ANXA6: variants seen among roughly 807,000 people sequenced by gnomAD.
The protein encoded by ANXA6 is annexin A6.
In ANXA6, 71 loss-of-function variants were observed where a neutral mutation model predicts 95.4. That is an observed-to-expected ratio of 0.74 (90% CI 0.61 to 0.91). ANXA6 has a LOEUF of 0.91. ANXA6 is among the 40% of genes least tolerant of loss of function. The pLI is 0.00. For missense variants in ANXA6, 830 were observed against 876.4 expected (o/e 0.95, Z 0.67); for synonymous variants, 289 against 315.9 (o/e 0.91, Z 0.90).
At chr5:151,131,350 C>T in intron 10 of ANXA6, 61 bp from the exon 11 acceptor site, 2 of 1,536,502 alleles carry the variant, frequency 1.3e-6, no homozygotes, top group Non-Finnish European at 1.8e-6. Context: ...GATGGGATGG[C>T]CTGACTCCCT....
At position 151,117,212 on chromosome 5, in the gene ANXA6, C is replaced by T. The variant is rs746814481; in HGVS notation, c.1519-32G>A. On this transcript the variant is annotated intron_variant, in intron 19 of 25. Coordinates refer to ENST00000354546, the MANE Select transcript of ANXA6 (RefSeq NM_001155.5). ...CAGGAGCAGCAAGAAAGTTCAGTCCCCAAACATCGACCCATCTCCATCTCT... is the reference window on the plus strand; with the variant it reads ...CAGGAGCAGCAAGAAAGTTCAGTCCTCAAACATCGACCCATCTCCATCTCT... 5 of 1,566,060 alleles carry T rather than the reference C, an allele frequency of 3.2e-6. No homozygotes were observed. In the African/African-American group the frequency reaches 6.8e-5, roughly 21 times the overall value.
chr5:151,120,103 C>A (rs912214098), intron 17 of ANXA6, among the ~76,000 whole-genome samples: 5 of 152,144 alleles, frequency 3.3e-5, no homozygotes, highest in African/African-American at 1.2e-4. Context: ...TGGTCTGGAA[C>A]TCCTGGACTC....
At chr5:151,110,899 T>G (rs377446439) in intron 20 of ANXA6, among the ~76,000 whole-genome samples, 1 of 152,270 alleles carries the variant, frequency 6.6e-6, no homozygotes, top group South Asian at 2.1e-4. Context: ...CGTGTTCACT[T>G]GAAGGGTAAG....
Position 151,110,671 on chromosome 5 carries a change from G to A in ANXA6, c.1573-27C>T, listed in dbSNP as rs201559106. On this transcript the variant is annotated intron_variant, in intron 20 of 25. Coordinates refer to ENST00000354546, the MANE Select transcript of ANXA6 (RefSeq NM_001155.5). ...TGAGAGCAGGGAGGGGAGAGAGGAG[G>A]GAGAGAAGGGAGGCAAGAGTCAGAG... 2.8e-5 allele frequency: 45 copies of A among 1,613,078 alleles called. 1 individual carries two copies. Among genetic ancestry groups the A allele is most frequent in the South Asian group, 4.4e-5 (4 of 91,052 alleles).
chr5:151,117,503 TCCTG>T (rs922976966), intron 19 of ANXA6, among the ~76,000 whole-genome samples: 14 of 152,174 alleles, frequency 9.2e-5, no homozygotes, highest in Non-Finnish European at 1.9e-4. Context: ...TATGGCTTTG[TCCTG>T]TGAGCTGGGG....
chr5:151,136,663 T>C (rs1277682438), intron 6 of ANXA6, among the ~76,000 whole-genome samples: 2 of 152,170 alleles, frequency 1.3e-5, no homozygotes, highest in Non-Finnish European at 2.9e-5. Flanking sequence ...TTAAAACCCA[T>C]ATCTGATCAT....
rs568844784 is a variant in ANXA6 at position 151,141,318 on chromosome 5, G to T, written c.19-1075C>A. Among the ~76,000 whole-genome samples the T allele has an allele frequency of 2.0e-4, 30 of 152,336 alleles. No individual in the cohort carries two copies. The South Asian group carries it at 6.0e-3, about 31-fold the overall frequency. ...GCTAGGCCCTACACTAATGGCTGAG[G>T]AATTGGGGAGAAAGGGGACCCAATT... On this transcript the variant is annotated intron_variant, in intron 2 of 25. Coordinates refer to ENST00000354546, the MANE Select transcript of ANXA6 (RefSeq NM_001155.5).
chr5:151,123,457 G>A (rs757539909), intron 15 of ANXA6, among the ~76,000 whole-genome samples: 19 of 152,188 alleles, frequency 1.2e-4, no homozygotes, highest in Non-Finnish European at 2.2e-4. Context: ...CTCTCTGGAA[G>A]CTGGACCCTG....
intron 20 of ANXA6, among the ~76,000 whole-genome samples, chr5:151,112,315 ACACT>A: frequency 6.6e-6 from 1 of 152,332 alleles, no homozygotes; most frequent in South Asian, 2.1e-4. Context: ...AAAAAAATAG[ACACT>A]CACTTTCTCA....
chr5:151,133,991 A>G (rs1295920852), intron 8 of ANXA6, among the ~76,000 whole-genome samples: 1 of 152,206 alleles, frequency 6.6e-6, no homozygotes, highest in Non-Finnish European at 1.5e-5. Context: ...CAGCCCCTGT[A>G]GTGCTGCTGG....
chr5:151,104,174 GCTT>G (rs1764628911), intron 24 of ANXA6, among the ~76,000 whole-genome samples: 1 of 152,170 alleles, frequency 6.6e-6, no homozygotes, highest in South Asian at 2.1e-4. Flanking sequence ...GCAGGGGAGT[GCTT>G]CTCCCCCAGA....
intron 23 of ANXA6, 48 bp from the exon 24 acceptor site, chr5:151,105,351 A>T: frequency 6.4e-7 from 1 of 1,567,630 alleles, no homozygotes; most frequent in Non-Finnish European, 8.8e-7. Context: ...AGAGGCTGTG[A>T]ACCCAGACTC....
intron 14 of ANXA6, among the ~76,000 whole-genome samples, chr5:151,125,187 T>C (rs1424858434): frequency 1.3e-5 from 2 of 151,924 alleles, no homozygotes; most frequent in Admixed American, 6.6e-5. Context: ...TGAAACCCTG[T>C]CTCTACACAA....
Position 151,131,360 on chromosome 5 carries a change from T to G in ANXA6, c.737-71A>C, listed in dbSNP as rs1429167970. 1.7e-5 allele frequency: 26 copies of G among 1,497,134 alleles called. No homozygotes were observed. In the Admixed American group the frequency reaches 4.2e-4, roughly 24 times the overall value. The allele number at this position is 1,497,134 out of a possible 1,614,324, so 92.7% of individuals were successfully genotyped here. ...AGGGGGATGGGATGGCCTGACTCCC[T>G]CTTTGTTTCTATTCCTTGAGGGCCA... is the stretch of plus-strand genomic sequence containing the variant. On this transcript the variant is annotated intron_variant, in intron 10 of 25. Transcript: ENST00000354546.
chr5:151,106,564 C>CA (rs1425393702), intron 23 of ANXA6, among the ~76,000 whole-genome samples: 3 of 152,188 alleles, frequency 2.0e-5, no homozygotes, highest in Non-Finnish European at 4.4e-5. Context: ...CTTGCTCCCC[C>CA]ATTCCCAGAA....
intron 20 of ANXA6, among the ~76,000 whole-genome samples, chr5:151,113,812 C>G (rs1764919383): frequency 6.6e-6 from 1 of 152,128 alleles, no homozygotes; most frequent in Non-Finnish European, 1.5e-5. Flanking sequence ...TATGTGCACA[C>G]AAAAACTTGT....
At chr5:151,123,700 TCAGA>T (rs1200510428) in intron 15 of ANXA6, among the ~76,000 whole-genome samples, 3 of 152,106 alleles carry the variant, frequency 2.0e-5, no homozygotes, top group African/African-American at 7.2e-5. Flanking sequence ...GGAGTTGCTG[TCAGA>T]CAGATGGGGC....
rs568635956 is a variant in ANXA6, at chr5:151,142,873, G to A, written c.19-2630C>T. 2.5e-4 allele frequency among the ~76,000 whole-genome samples: 38 copies of A among 152,326 alleles called. 1 individual carries two copies. The South Asian group carries it at 7.7e-3, about 31-fold the overall frequency. On this transcript the variant is annotated intron_variant, in intron 2 of 25. Transcript: ENST00000354546. Reference sequence around the variant, plus strand: ...TTAAGCTTTGAAAGATGCCACCAGGGGCAGGTCCTCCAGGGTCTGTCCGGG... The same window carrying A: ...TTAAGCTTTGAAAGATGCCACCAGGAGCAGGTCCTCCAGGGTCTGTCCGGG...
chr5:151,109,640 T>G, intron 22 of ANXA6, 113 bp downstream of exon 22: 1 of 792,272 alleles, frequency 1.3e-6, no homozygotes, highest in Non-Finnish European at 2.1e-6. Flanking sequence ...TACTGCTGGG[T>G]TAAGGAGGAG....
Sources: gnomAD v4.1 joint callset for allele counts (sites outside exome capture counted in the v4.1 genomes callset) on GRCh38, gnomAD v4.1.1 for gene constraint, MANE v1.5 for transcripts, NCBI Gene and HGNC (gene_info 2026-07-23, HGNC 2026-07-21) for gene names.